The following MRTFB variants were observed in gnomAD, a reference collection of about 807,000 sequenced individuals.
MRTFB encodes myocardin-related transcription factor B.
MRTFB carries 29 observed loss-of-function variants against 104.2 expected under a neutral mutation model. That is an observed-to-expected ratio of 0.28 (90% CI 0.21 to 0.38). MRTFB has a LOEUF of 0.38. Ranked by LOEUF, MRTFB falls within the 10% of genes least tolerant of loss-of-function variation. The pLI is 1.00. For missense variants in MRTFB, 1,270 were observed against 1,341.6 expected (o/e 0.95, Z 0.83); for synonymous variants, 535 against 519.5 (o/e 1.03, Z -0.41).
At chr16:14,104,561 A>G (rs1358195796) in intron 2 of MRTFB, among the ~76,000 whole-genome samples, 2 of 152,208 alleles carry the variant, frequency 1.3e-5, no homozygotes, top group East Asian at 1.9e-4. Flanking sequence ...TGAAGGCTTC[A>G]TTATTCAAAG....
At chr16:14,166,125 T>C (rs868290292) in intron 3 of MRTFB, among the ~76,000 whole-genome samples, 2 of 152,160 alleles carry the variant, frequency 1.3e-5, no homozygotes. Context: ...TTAAGAAGAA[T>C]GGGATAACAT....
At chr16:14,141,058 G>A in intron 3 of MRTFB, 1 of 290,500 alleles carries the variant, frequency 3.4e-6, no homozygotes, top group South Asian at 4.7e-5. Flanking sequence ...TGGAAAGTAG[G>A]TTCCTGTGCT....
At chr16:14,223,119 C>T (rs1248173330) in intron 8 of MRTFB, among the ~76,000 whole-genome samples, 1 of 152,064 alleles carries the variant, frequency 6.6e-6, no homozygotes, top group African/African-American at 2.4e-5. Context: ...CCAGCCTGGG[C>T]ATCATAGTGA....
At chr16:14,197,378 C>G (rs1467431125) in intron 3 of MRTFB, among the ~76,000 whole-genome samples, 1 of 152,062 alleles carries the variant, frequency 6.6e-6, no homozygotes, top group Non-Finnish European at 1.5e-5. Flanking sequence ...ATAGCCCCTC[C>G]TTTTTAGTCT....
At position 14,218,968 on chromosome 16, in the gene MRTFB, A is replaced by G. The variant is rs766043027; in HGVS notation, c.663A>G (p.Pro221=). Reference sequence around the variant, plus strand: ...GTGAGCCAAAAGTTAGTGAATCGCCATCTCCTGTGACTACAAACACTCCAG... The same window carrying G: ...GTGAGCCAAAAGTTAGTGAATCGCCGTCTCCTGTGACTACAAACACTCCAG... The part of the protein sequence containing the change: ...SPSEPKVSES[P]SPVTTNTPAQ... The change falls in exon 8 of 17, where the codon CCA becomes CCG. Residue 221 remains proline (P), a synonymous_variant. Transcript: ENST00000571589. 2.2e-5 allele frequency: 36 copies of G among 1,613,892 alleles called. No individual in the cohort carries two copies. In the East Asian group the frequency reaches 7.1e-4, roughly 32 times the overall value.
chr16:14,069,499 T>C (rs2033571921), upstream of MRTFB, among the ~76,000 whole-genome samples: 1 of 152,198 alleles, frequency 6.6e-6, no homozygotes, highest in Non-Finnish European at 1.5e-5. Context: ...GTTTTTTCTT[T>C]TTTAGAGACA....
chr16:14,116,713 T>C (rs1293528432), intron 2 of MRTFB, among the ~76,000 whole-genome samples: 4 of 152,092 alleles, frequency 2.6e-5, no homozygotes, highest in Admixed American at 6.6e-5. Context: ...GTAAGGTGTT[T>C]AGCAGCATCC....
intron 2 of MRTFB, among the ~76,000 whole-genome samples, chr16:14,115,889 C>T (rs1287320027): frequency 6.6e-6 from 1 of 152,214 alleles, no homozygotes; most frequent in Admixed American, 6.5e-5. Context: ...TTCCCCTCCC[C>T]TCCATGCTCT....
intron 10 of MRTFB, among the ~76,000 whole-genome samples, chr16:14,243,864 G>GTTTGTTTTTTTTTTTTTGTTT (rs750881308): frequency 1.6e-5 from 2 of 124,676 alleles, no homozygotes; most frequent in African/African-American, 7.6e-5. Flanking sequence ...CCTGTTTTGG[G>GTTTGTTTTTTTTTTTTTGTTT]TTTTTTTTTT....
At chr16:14,065,846 G>T in the MRTFB span, among the ~76,000 whole-genome samples, 3 of 152,020 alleles carry the variant, frequency 2.0e-5, no homozygotes, top group Admixed American at 6.6e-5. Flanking sequence ...TCTCTAGAAT[G>T]CTCTCCCCTC....
upstream of MRTFB, among the ~76,000 whole-genome samples, chr16:14,071,012 T>C (rs1223348538): frequency 6.6e-6 from 1 of 152,140 alleles, no homozygotes; most frequent in African/African-American, 2.4e-5. Flanking sequence ...GCGGTCACCT[T>C]TGTCGCCACC....
chr16:14,178,740 G>C (rs2039669007), intron 3 of MRTFB, among the ~76,000 whole-genome samples: 1 of 151,904 alleles, frequency 6.6e-6, no homozygotes, highest in Non-Finnish European at 1.5e-5. Flanking sequence ...GGGCAGGGGA[G>C]GTTTTTTTTG....
chr16:14,213,521 G>A (rs756439321), intron 5 of MRTFB, 24 bp from the exon 6 acceptor site: 26 of 1,521,600 alleles, frequency 1.7e-5, no homozygotes, highest in Non-Finnish European at 2.3e-5. Context: ...ATGATTTATG[G>A]TAAGACTTTT....
chr16:14,008,938 T>TTTTA, the MRTFB span, among the ~76,000 whole-genome samples: 1 of 148,556 alleles, frequency 6.7e-6, no homozygotes, highest in Non-Finnish European at 1.5e-5. Context: ...TTTTTTAAAA[T>TTTTA]TTTATGTATT....
chr16:14,203,167 T>C (rs2040785670), intron 3 of MRTFB, among the ~76,000 whole-genome samples: 2 of 152,000 alleles, frequency 1.3e-5, no homozygotes, highest in Admixed American at 6.5e-5. Context: ...CTCCTCATGA[T>C]CCTAAAGTTT....
intron 2 of MRTFB, among the ~76,000 whole-genome samples, chr16:14,093,969 A>G (rs566472744): frequency 1.4e-4 from 21 of 152,226 alleles, no homozygotes; most frequent in Non-Finnish European, 2.8e-4. Flanking sequence ...AAATGATTCT[A>G]TTTTTTAAGA....
chr16:14,223,130 G>A (rs796682505), intron 8 of MRTFB, among the ~76,000 whole-genome samples: 2 of 151,954 alleles, frequency 1.3e-5, no homozygotes, highest in Non-Finnish European at 2.9e-5. Flanking sequence ...ATCATAGTGA[G>A]ACCCCATCTC....
intron 15 of MRTFB, among the ~76,000 whole-genome samples, chr16:14,253,822 T>C (rs976667411): frequency 6.6e-6 from 1 of 152,188 alleles, no homozygotes; most frequent in African/African-American, 2.4e-5. Flanking sequence ...GCAAAGGCCC[T>C]TGTCTGTGAG....
At chr16:14,209,876 A>T (rs1266469642) in intron 3 of MRTFB, among the ~76,000 whole-genome samples, 2 of 152,340 alleles carry the variant, frequency 1.3e-5, no homozygotes, top group South Asian at 4.1e-4. Flanking sequence ...AAAAACTAAG[A>T]TGTGTCAAAG....
Sources: allele counts gnomAD v4.1 joint callset (sites outside exome capture counted in the v4.1 genomes callset), GRCh38; gene constraint gnomAD v4.1.1; transcripts MANE v1.5; gene names NCBI Gene and HGNC (gene_info 2026-07-23, HGNC 2026-07-21).